The following CFAP57 variants were observed in gnomAD, a reference collection of about 807,000 sequenced individuals.
CFAP57 encodes cilia- and flagella-associated protein 57.
In CFAP57, 116 loss-of-function variants were observed where a neutral mutation model predicts 146.8. The observed-to-expected ratio is 0.79, with a 90% CI of 0.68 to 0.92. The LOEUF (loss-of-function observed/expected upper bound fraction) is 0.92, where lower values mean the gene tolerates loss of function less well. Ranked by LOEUF, CFAP57 falls within the 40% of genes least tolerant of loss-of-function variation. The probability of loss-of-function intolerance (pLI) is 0.00; values close to 1 mark genes in which losing one functional copy is unlikely to be tolerated. For synonymous variants in CFAP57, 518 were observed against 552.8 expected (o/e 0.94, Z 0.88); for missense variants, 1,377 against 1,527.2 (o/e 0.90, Z 1.64).
intron 10 of CFAP57, among the ~76,000 whole-genome samples, chr1:43,209,512 T>G (rs892179416): frequency 1.3e-5 from 2 of 152,210 alleles, no homozygotes; most frequent in Non-Finnish European, 2.9e-5. Context: ...TCTATTAGTA[T>G]TATTCCTAAC....
intron 6 of CFAP57, among the ~76,000 whole-genome samples, chr1:43,191,719 C>T (rs753499054): frequency 6.8e-6 from 1 of 146,396 alleles, no homozygotes; most frequent in Non-Finnish European, 1.5e-5. Context: ...TTCTCTATTG[C>T]TTTGCTATTC....
At chr1:43,174,359 G>A (rs757556044) in intron 2 of CFAP57, among the ~76,000 whole-genome samples, 7 of 152,148 alleles carry the variant, frequency 4.6e-5, no homozygotes, top group Non-Finnish European at 8.8e-5. Flanking sequence ...TTTATTTCCA[G>A]CATATTTGCT....
intron 11 of CFAP57, among the ~76,000 whole-genome samples, chr1:43,213,097 C>CT (rs1380160731): frequency 3.3e-5 from 5 of 151,566 alleles, no homozygotes; most frequent in African/African-American, 4.8e-5. Flanking sequence ...ACTTTTTTTT[C>CT]TTTTTTTTGA....
chr1:43,182,090 C>G lies in CFAP57; in HGVS notation c.474+240C>G, dbSNP rs1645435659. Among the ~76,000 whole-genome samples, 5 of 152,170 alleles carry G rather than the reference C, an allele frequency of 3.3e-5. No homozygotes were observed. The South Asian group carries it at 1.0e-3, about 32-fold the overall frequency. On this transcript the variant is annotated intron_variant, in intron 3 of 22. Coordinates refer to ENST00000372492, the MANE Select transcript of CFAP57 (RefSeq NM_001378189.1). ...GTAGTGAATAGCAGAGCTAGGAGTT[C>G]CCCAACTCCAGCTCCTGTCTTCTCT... is the stretch of plus-strand genomic sequence containing the variant.
intron 9 of CFAP57, among the ~76,000 whole-genome samples, chr1:43,203,847 G>A (rs1197209402): frequency 6.6e-6 from 1 of 152,162 alleles, no homozygotes; most frequent in African/African-American, 2.4e-5. Context: ...CCTACTTGGA[G>A]TTTATTGTAC....
At position 43,215,281 on chromosome 1, in the gene CFAP57, C is replaced by T. The variant is rs74422853; in HGVS notation, c.1956C>T (p.Phe652=). ...TGTTGCTTACCTTTGATGATCAGTT[C>T]CTGCTGACTGCTGCTGAGGATGGCT... The part of the protein sequence containing the change: ...TKMLLTFDDQ[F]LLTAAEDGCL... The change falls in exon 12 of 23, where the codon TTC becomes TTT. Residue 652 remains phenylalanine, a synonymous_variant. Coordinates refer to ENST00000372492, the MANE Select transcript of CFAP57 (RefSeq NM_001378189.1). The T allele has an allele frequency of 0.014, 22,133 of 1,551,182 alleles. 327 individuals carry two copies. Among genetic ancestry groups the T allele is most frequent in the South Asian group, 0.059 (4,949 of 84,052 alleles).
chr1:43,215,492 G>A, intron 12 of CFAP57, 76 bp downstream of exon 12: 2 of 1,489,338 alleles, frequency 1.3e-6, no homozygotes, highest in Non-Finnish European at 1.8e-6. Context: ...CAGCACTGGG[G>A]CCCTCTACAG....
intron 18 of CFAP57, chr1:43,232,013 T>A: frequency 1.5e-6 from 1 of 676,734 alleles, no homozygotes; most frequent in South Asian, 1.6e-5. Context: ...TCCTGTTTTA[T>A]GCCTTAGATG....
In CFAP57 at chr1:43,254,018, T is replaced by G; in HGVS notation, c.3580T>G (p.Leu1194Val). ...GCTCAGCACAGCTCCCACCGCAAGG[T>G]TGAATGAGCAAGAAGAAACTGGGAG... ...DMLSTAPTAR[L>V]NEQEETGRII... Residue 1194 changes from leucine (L) to valine (V), a missense_variant, in exon 23 of 23, where the codon TTG becomes GTG. By Grantham distance (32) the Leu-to-Val change is conservative (BLOSUM62 1). Transcript: ENST00000372492. The G allele has an allele frequency of 1.9e-6, 3 of 1,550,130 alleles. No individual in the cohort carries two copies. Among genetic ancestry groups the G allele is most frequent in the African/African-American group, 1.4e-5 (1 of 72,970 alleles).
At chr1:43,251,116 G>A (rs752867159) in intron 22 of CFAP57, among the ~76,000 whole-genome samples, 2 of 152,170 alleles carry the variant, frequency 1.3e-5, no homozygotes, top group Non-Finnish European at 2.9e-5. Context: ...CACAGCAACC[G>A]AGCTGCCATG....
chr1:43,215,112 C>T (rs544360708), intron 11 of CFAP57, 143 bp from the exon 12 acceptor site: 4 of 880,688 alleles, frequency 4.5e-6, no homozygotes, highest in Non-Finnish European at 7.1e-6. Flanking sequence ...GGGCTCCTCT[C>T]TCATTCTTAC....
chr1:43,172,641 G>A, intron 1 of CFAP57, 94 bp from the exon 2 acceptor site: 1 of 1,173,632 alleles, frequency 8.5e-7, no homozygotes, highest in East Asian at 2.5e-5. Context: ...GACAAGGGGA[G>A]GAGCAAAGGG....
chr1:43,235,259 C>T (rs756033901), intron 21 of CFAP57, among the ~76,000 whole-genome samples: 2 of 152,142 alleles, frequency 1.3e-5, no homozygotes, highest in Non-Finnish European at 2.9e-5. Context: ...ATAGGCTGTT[C>T]AGAGAGCCTG....
At chr1:43,226,938 C>G (rs538789622) in intron 17 of CFAP57, 45 bp from the exon 18 acceptor site, 2 of 1,459,362 alleles carry the variant, frequency 1.4e-6, no homozygotes, top group South Asian at 3.0e-5. Context: ...TGCAGTATAC[C>G]AGGGCCTTAC....
chr1:43,185,678 C>CAAAAAAAAAAA (rs57421849), intron 5 of CFAP57, among the ~76,000 whole-genome samples: 1 of 65,674 alleles, frequency 1.5e-5, no homozygotes, highest in African/African-American at 5.1e-5. Flanking sequence ...CCCATCTCTA[C>CAAAAAAAAAAA]AAAAAAAAAA....
At chr1:43,216,246 C>G (rs1644827847) in intron 12 of CFAP57, among the ~76,000 whole-genome samples, 1 of 152,136 alleles carries the variant, frequency 6.6e-6, no homozygotes, top group South Asian at 2.1e-4. Context: ...AGGAAGCTTA[C>G]AGTCAAGTGA....
chr1:43,240,729 G>A (rs1197160983), intron 21 of CFAP57, among the ~76,000 whole-genome samples: 1 of 152,174 alleles, frequency 6.6e-6, no homozygotes, highest in Non-Finnish European at 1.5e-5. Context: ...CAGTTCTGAG[G>A]GCTGTACAGG....
intron 6 of CFAP57, among the ~76,000 whole-genome samples, chr1:43,192,309 CT>C (rs1484348673): frequency 2.0e-5 from 3 of 152,094 alleles, no homozygotes; most frequent in Non-Finnish European, 4.4e-5. Flanking sequence ...GCCTACTTGT[CT>C]TGATTGTTTT....
intron 22 of CFAP57, among the ~76,000 whole-genome samples, chr1:43,244,901 TCAAAAAA>T (rs1646056551): frequency 6.6e-6 from 1 of 151,880 alleles, no homozygotes; most frequent in Non-Finnish European, 1.5e-5. Flanking sequence ...AGACTCCATC[TCAAAAAA>T]CAAAAAACAA....
Sources: gnomAD v4.1 joint callset for allele counts (sites outside exome capture counted in the v4.1 genomes callset) on GRCh38, gnomAD v4.1.1 for gene constraint, MANE v1.5 for transcripts, NCBI Gene and HGNC (gene_info 2026-07-23, HGNC 2026-07-21) for gene names.